LMTK2: variants seen among roughly 807,000 people sequenced by gnomAD.
LMTK2 encodes serine/threonine-protein kinase LMTK2.
In LMTK2, 37 loss-of-function variants were observed where a neutral mutation model predicts 127.5. That is an observed-to-expected ratio of 0.29 (90% CI 0.22 to 0.38). The LOEUF (loss-of-function observed/expected upper bound fraction) is 0.38, where lower values mean the gene tolerates loss of function less well. Ranked by LOEUF, LMTK2 falls within the 10% of genes least tolerant of loss-of-function variation. LMTK2 has a pLI of 1.00. For missense variants in LMTK2, 1,694 were observed against 1,920.3 expected (o/e 0.88, Z 2.20); for synonymous variants, 819 against 810.1 (o/e 1.01, Z -0.19).
chr7:98,195,725 G>T (rs893973947), intron 11 of LMTK2, among the ~76,000 whole-genome samples: 2 of 152,166 alleles, frequency 1.3e-5, no homozygotes, highest in African/African-American at 4.8e-5. Flanking sequence ...GCTATGGCGG[G>T]TCCAAGCACT....
In LMTK2 at chr7:98,116,539, G is replaced by A. The variant is rs1302772649; in HGVS notation, c.103+9259G>A. 3.3e-5 allele frequency among the ~76,000 whole-genome samples: 5 copies of A among 152,090 alleles called. No homozygotes were observed. In the East Asian group the frequency reaches 7.7e-4, roughly 24 times the overall value. On this transcript the variant is annotated intron_variant, in intron 1 of 13. Coordinates refer to ENST00000297293, the MANE Select transcript of LMTK2 (RefSeq NM_014916.4). ...CATGCAGCCACAGACCTTCACCTGG[G>A]ATGAGGCCATTTATAGTTTTTTTTT... is the stretch of plus-strand genomic sequence containing the variant.
intron 1 of LMTK2, among the ~76,000 whole-genome samples, chr7:98,127,186 G>A (rs115999270): frequency 0.014 from 2,078 of 152,324 alleles, 50 homozygotes; most frequent in African/African-American, 0.048. Flanking sequence ...AAATAAAAAT[G>A]TGTGATCTGC....
chr7:98,189,537 G>T (rs1188083050), intron 9 of LMTK2, among the ~76,000 whole-genome samples: 1 of 152,188 alleles, frequency 6.6e-6, no homozygotes, highest in African/African-American at 2.4e-5. Flanking sequence ...CATCCTTTAG[G>T]GGTGGATCTG....
chr7:98,181,655 T>A (rs775601806), intron 7 of LMTK2, among the ~76,000 whole-genome samples: 6 of 152,040 alleles, frequency 3.9e-5, no homozygotes, highest in Non-Finnish European at 7.4e-5. Context: ...GTCAAATGAT[T>A]TTTTTCTTTT....
At position 98,192,267 on chromosome 7, in the gene LMTK2, G is replaced by A. The variant is rs755530187; in HGVS notation, c.1802G>A (p.Ser601Asn). Reference protein sequence around the residue: ...ALRSVELEESSTDEDFFQSST... With the variant: ...ALRSVELEESNTDEDFFQSST... ...AGGAGCGTTGAACTTGAGGAGTCCA[G>A]TACAGATGAGGACTTCTTCCAAAGC... Residue 601 changes from serine to asparagine, a missense_variant, in exon 11 of 14, where the codon AGT becomes AAT. By Grantham distance (46) the Ser-to-Asn change is conservative. Around this residue, in one of 8 missense-constraint regions of LMTK2, gnomAD observed 527 missense variants for 539.8 expected, o/e 0.98. Transcript: ENST00000297293. 1.3e-6 allele frequency: 2 copies of A among 1,531,814 alleles called. No individual in the cohort carries two copies. The highest frequency in any genetic ancestry group is 1.3e-5 in the South Asian group (1 of 75,550). The allele number at this position is 1,531,814 out of a possible 1,614,324, so 94.9% of individuals were successfully genotyped here. A position where few individuals can be genotyped will look rare whatever the true frequency, so the allele number is the denominator to read the frequency against.
chr7:98,116,405 T>TGC lies in LMTK2; in HGVS notation c.103+9126_103+9127dup, dbSNP rs1312650562. On this transcript the variant is annotated intron_variant, in intron 1 of 13. Coordinates refer to ENST00000297293, the MANE Select transcript of LMTK2 (RefSeq NM_014916.4). ...CAGTGTGTGTCTGTGTGTGTGTGTG[T>TGC]GCATGTGCGTGTGTTTGTGCGTGTG... Among the ~76,000 whole-genome samples, 3 of 150,968 alleles carry TGC rather than the reference T, an allele frequency of 2.0e-5. No individual in the cohort carries two copies. In the East Asian group the frequency reaches 6.0e-4, roughly 30 times the overall value.
chr7:98,128,182 A>G (rs1422247506), intron 1 of LMTK2, among the ~76,000 whole-genome samples: 1 of 152,166 alleles, frequency 6.6e-6, no homozygotes, highest in East Asian at 1.9e-4. Context: ...TAAAAAGGTG[A>G]AAAGATTAGT....
At position 98,154,863 on chromosome 7, in the gene LMTK2, G is replaced by A. The variant is rs765868520; in HGVS notation, c.556G>A (p.Gly186Arg). ...PKEQDTFLKN[G>R]EPYYILQHPN... ...GGAACAAGATACTTTTTTGAAAAAT[G>A]GAGAACCTTACTAGTAAGTAAACCT... Residue 186 changes from glycine to arginine, a missense_variant, in exon 5 of 14, where the codon GGA becomes AGA. This residue lies in a region of LMTK2 where 203 missense variants were observed against 226.2 expected (regional missense o/e 0.90). Transcript: ENST00000297293. 3.5e-5 allele frequency: 56 copies of A among 1,597,456 alleles called. No homozygotes were observed. Among genetic ancestry groups the A allele is most frequent in the Non-Finnish European group, 4.5e-5 (53 of 1,164,922 alleles).
intron 7 of LMTK2, among the ~76,000 whole-genome samples, chr7:98,177,518 CAG>C (rs1163486340): frequency 6.6e-6 from 1 of 152,108 alleles, no homozygotes; most frequent in Non-Finnish European, 1.5e-5. Flanking sequence ...TTTTTTGAGA[CAG>C]GGTCTCGCTC....
intron 1 of LMTK2, among the ~76,000 whole-genome samples, chr7:98,120,372 T>G (rs1398232566): frequency 6.6e-6 from 1 of 152,226 alleles, no homozygotes; most frequent in African/African-American, 2.4e-5. Flanking sequence ...ATGGTATAAT[T>G]GCAACCTTTA....
chr7:98,149,440 C>T (rs1259571466), intron 3 of LMTK2, among the ~76,000 whole-genome samples: 1 of 152,192 alleles, frequency 6.6e-6, no homozygotes, highest in Admixed American at 6.5e-5. Context: ...TTTAGTGTTT[C>T]TTGGAAGGGA....
At chr7:98,115,163 C>T (rs947932105) in intron 1 of LMTK2, among the ~76,000 whole-genome samples, 2 of 151,928 alleles carry the variant, frequency 1.3e-5, no homozygotes, top group African/African-American at 4.8e-5. Flanking sequence ...GCCTGTAATC[C>T]CAGCACGGTG....
chr7:98,191,060 G>C (rs1248461903), intron 10 of LMTK2, among the ~76,000 whole-genome samples, 183 bp downstream of exon 10: 1 of 152,124 alleles, frequency 6.6e-6, no homozygotes, highest in African/African-American at 2.4e-5. Flanking sequence ...TTCGGGTGTT[G>C]AGTTGGCTTT....
chr7:98,151,901 C>A (rs777514753), intron 4 of LMTK2, among the ~76,000 whole-genome samples: 4 of 152,106 alleles, frequency 2.6e-5, no homozygotes, highest in Non-Finnish European at 4.4e-5. Context: ...TCCTCCTCTC[C>A]ATCGCATTGG....
chr7:98,122,708 G>T (rs1796380773), intron 1 of LMTK2, among the ~76,000 whole-genome samples: 1 of 3,700 alleles, frequency 2.7e-4, no homozygotes, highest in African/African-American at 4.2e-4. Context: ...GTGTGTGTGT[G>T]TGTGTGTGTG....
At chr7:98,109,391 A>G (rs551822737) in intron 1 of LMTK2, among the ~76,000 whole-genome samples, 2 of 152,174 alleles carry the variant, frequency 1.3e-5, no homozygotes, top group South Asian at 2.1e-4. Flanking sequence ...GGATAGGTGT[A>G]TATGTTTTGA....
At chr7:98,144,675 C>T (rs542223773) in intron 3 of LMTK2, among the ~76,000 whole-genome samples, 63 of 150,738 alleles carry the variant, frequency 4.2e-4, no homozygotes, top group Non-Finnish European at 8.5e-4. Context: ...TTGAGGTTCA[C>T]GGGAAAATTT....
Position 98,194,371 on chromosome 7 carries a change from C to A in LMTK2, c.3906C>A (p.Asn1302Lys), listed in dbSNP as rs1347941401. The A allele has an allele frequency of 1.9e-6, 3 of 1,614,174 alleles. No individual in the cohort carries two copies. Among genetic ancestry groups the A allele is most frequent in the Non-Finnish European group, 2.5e-6 (3 of 1,180,030 alleles). Reference protein sequence around the residue: ...DDSDEDLRAFNLHSLSSESED... With the variant: ...DDSDEDLRAFKLHSLSSESED... ...CGGACGAGGACCTGCGGGCCTTCAA[C>A]CTGCATAGCCTCAGCTCCGAGTCGG... Residue 1302 changes from asparagine (N) to lysine (K), a missense_variant, in exon 11 of 14, where the codon AAC becomes AAA. Around this residue, in one of 8 missense-constraint regions of LMTK2, gnomAD observed 554 missense variants for 567.7 expected, o/e 0.98. Coordinates refer to ENST00000297293, the MANE Select transcript of LMTK2 (RefSeq NM_014916.4). The surrounding 1 kb of genome is among the most constrained non-coding windows in gnomAD (Gnocchi z 5.4).
chr7:98,196,469 G>A (rs749913115), intron 11 of LMTK2, among the ~76,000 whole-genome samples: 20 of 152,140 alleles, frequency 1.3e-4, no homozygotes, highest in African/African-American at 4.8e-4. Flanking sequence ...TTGGATTATC[G>A]CTGCATTTCT....
Sources: allele counts gnomAD v4.1 joint callset (sites outside exome capture counted in the v4.1 genomes callset), GRCh38; gene constraint gnomAD v4.1.1; regional missense constraint gnomAD v4.1.1; non-coding constraint Gnocchi (gnomAD v3.1); transcripts MANE v1.5; gene names NCBI Gene and HGNC (gene_info 2026-07-23, HGNC 2026-07-21).